The following MGAT4D variants were observed in gnomAD, a reference collection of about 807,000 sequenced individuals.
MGAT4D encodes MGAT4 family member D.
MGAT4D carries 34 observed loss-of-function variants against 15.9 expected under a neutral mutation model. The ratio of observed to expected loss-of-function variants is 2.14; its 90% CI spans 1.62 to 2.84. The LOEUF (loss-of-function observed/expected upper bound fraction) is 2.84, where lower values mean the gene tolerates loss of function less well. Among genes scored for constraint, MGAT4D ranks in the 30% most tolerant of loss-of-function variants. The pLI, the probability that MGAT4D is intolerant of heterozygous loss-of-function variation, is 0.00. For missense variants in MGAT4D, 327 were observed against 140.2 expected (o/e 2.33, Z -6.73); for synonymous variants, 112 against 48.2 (o/e 2.33, Z -5.49).
At chr4:140,488,029 A>C (rs1001924671) in intron 1 of MGAT4D, among the ~76,000 whole-genome samples, 1 of 152,186 alleles carries the variant, frequency 6.6e-6, no homozygotes, top group African/African-American at 2.4e-5. Context: ...GACCACTTTC[A>C]TGGTTTTCTC....
chr4:140,456,344 T>A, intron 9 of MGAT4D, among the ~76,000 whole-genome samples: 1 of 152,186 alleles, frequency 6.6e-6, no homozygotes, highest in Non-Finnish European at 1.5e-5. Context: ...TGTTTGAATT[T>A]ACGTCTATCA....
intron 1 of MGAT4D, among the ~76,000 whole-genome samples, chr4:140,496,704 A>T (rs1733859075): frequency 6.6e-6 from 1 of 151,980 alleles, no homozygotes; most frequent in South Asian, 2.1e-4. Flanking sequence ...TTATCCGGGC[A>T]TGGTGGCACA....
Position 140,467,578 on chromosome 4 carries a change from T to C in MGAT4D, c.573-2569A>G, listed in dbSNP as rs190065075. ...AGTCTTGGTTTTATTCAATCTGTTTTAAGCAAGATACTTGAAATTTTGTGT... is the reference window on the plus strand; with the variant it reads ...AGTCTTGGTTTTATTCAATCTGTTTCAAGCAAGATACTTGAAATTTTGTGT... On this transcript the variant is annotated intron_variant, in intron 5 of 10. Coordinates refer to ENST00000511113, the MANE Select transcript of MGAT4D (RefSeq NM_001277353.2). Among the ~76,000 whole-genome samples, 293 of 152,254 alleles carry C rather than the reference T, an allele frequency of 1.9e-3. 4 individuals carry two copies. The highest frequency in any genetic ancestry group is 2.5e-3 in the Non-Finnish European group (169 of 67,962).
intron 2 of MGAT4D, among the ~76,000 whole-genome samples, chr4:140,480,506 A>C (rs1327959811): frequency 6.6e-6 from 1 of 152,152 alleles, no homozygotes; most frequent in East Asian, 1.9e-4. Flanking sequence ...CTTCATCAAA[A>C]ATTAAAAATG....
chr4:140,467,430 A>G (rs1731613609), intron 5 of MGAT4D, among the ~76,000 whole-genome samples: 1 of 152,172 alleles, frequency 6.6e-6, no homozygotes, highest in Non-Finnish European at 1.5e-5. Context: ...AGTTTAGATT[A>G]CAGAGATACA....
chr4:140,473,495 C>T (rs2126788815), intron 4 of MGAT4D, among the ~76,000 whole-genome samples: 1 of 152,196 alleles, frequency 6.6e-6, no homozygotes, highest in Non-Finnish European at 1.5e-5. Flanking sequence ...ATTTCATCCC[C>T]CAACAACCTT....
chr4:140,450,254 T>C (rs1327512769), intron 10 of MGAT4D: 1 of 232,672 alleles, frequency 4.3e-6, no homozygotes, highest in Non-Finnish European at 8.1e-6. Context: ...AATATGAATG[T>C]TTATGTCTAC....
chr4:140,495,041 A>G lies in MGAT4D; in HGVS notation c.94+3088T>C, dbSNP rs962694826. Reference sequence around the variant, plus strand: ...CTGCACAAAACTCTGATGGCTTCCGATCTTACTCACAATAAAATGCAGAGT... The same window carrying G: ...CTGCACAAAACTCTGATGGCTTCCGGTCTTACTCACAATAAAATGCAGAGT... On this transcript the variant is annotated intron_variant, in intron 1 of 10. Coordinates refer to ENST00000511113, the MANE Select transcript of MGAT4D (RefSeq NM_001277353.2). Among the ~76,000 whole-genome samples the G allele has an allele frequency of 2.0e-5, 3 of 152,164 alleles. No individual in the cohort carries two copies. In the South Asian group the frequency reaches 6.2e-4, roughly 32 times the overall value.
intron 3 of MGAT4D, among the ~76,000 whole-genome samples, chr4:140,475,704 C>G (rs1421660246): frequency 3.4e-5 from 5 of 147,942 alleles, no homozygotes; most frequent in Non-Finnish European, 5.9e-5. Flanking sequence ...TTTCAGGGCC[C>G]TGATAAACTG....
At chr4:140,455,998 A>G (rs1249930938) in intron 9 of MGAT4D, among the ~76,000 whole-genome samples, 1 of 152,100 alleles carries the variant, frequency 6.6e-6, no homozygotes, top group Non-Finnish European at 1.5e-5. Flanking sequence ...TTAGCTGGGC[A>G]TGGTGGCGTG....
chr4:140,462,876 G>A (rs1345013090), intron 6 of MGAT4D, among the ~76,000 whole-genome samples: 4 of 152,088 alleles, frequency 2.6e-5, no homozygotes, highest in African/African-American at 9.7e-5. Flanking sequence ...AGTGCCTGGA[G>A]ACTCACATTG....
At chr4:140,497,228 G>GT (rs1733894305) in intron 1 of MGAT4D, among the ~76,000 whole-genome samples, 2 of 152,202 alleles carry the variant, frequency 1.3e-5, no homozygotes, top group South Asian at 2.1e-4. Flanking sequence ...TGAAAACAAC[G>GT]TAAGAGCAAT....
intron 4 of MGAT4D, among the ~76,000 whole-genome samples, chr4:140,472,205 T>C (rs1246430038): frequency 6.6e-6 from 1 of 152,166 alleles, no homozygotes; most frequent in African/African-American, 2.4e-5. Flanking sequence ...TACTCTTCAT[T>C]TCCTGAGTAT....
chr4:140,456,782 G>A (rs1730835802), intron 8 of MGAT4D, 63 bp from the exon 9 acceptor site: 1 of 543,162 alleles, frequency 1.8e-6, no homozygotes, highest in South Asian at 2.6e-5. Context: ...CCTTTAACAT[G>A]GGAAAAAGCA....
At chr4:140,472,056 A>T (rs1732000535) in intron 4 of MGAT4D, among the ~76,000 whole-genome samples, 1 of 152,116 alleles carries the variant, frequency 6.6e-6, no homozygotes, top group Non-Finnish European at 1.5e-5. Flanking sequence ...GAAATATTAC[A>T]ATCCAAAATT....
chr4:140,466,232 T>A (rs775241814), intron 5 of MGAT4D, among the ~76,000 whole-genome samples: 1 of 152,170 alleles, frequency 6.6e-6, no homozygotes, highest in Non-Finnish European at 1.5e-5. Context: ...TGACACCTCC[T>A]CTATTTGAGA....
At chr4:140,468,959 G>A (rs1379039607) in intron 5 of MGAT4D, among the ~76,000 whole-genome samples, 1 of 152,082 alleles carries the variant, frequency 6.6e-6, no homozygotes, top group African/African-American at 2.4e-5. Flanking sequence ...TCTCAGTACT[G>A]TCTAAAGCTC....
intron 1 of MGAT4D, among the ~76,000 whole-genome samples, chr4:140,486,503 G>A (rs1356416773): frequency 2.0e-5 from 3 of 151,856 alleles, no homozygotes; most frequent in Non-Finnish European, 2.9e-5. Context: ...CACCCACCCC[G>A]AAACAGGCCC....
At chr4:140,483,434 A>G (rs1732876287) in intron 1 of MGAT4D, among the ~76,000 whole-genome samples, 2 of 152,216 alleles carry the variant, frequency 1.3e-5, no homozygotes, top group African/African-American at 4.8e-5. Context: ...TAAAATGTCT[A>G]TACTACACAA....
Sources: allele counts gnomAD v4.1 joint callset (sites outside exome capture counted in the v4.1 genomes callset), GRCh38; gene constraint gnomAD v4.1.1; transcripts MANE v1.5; gene names NCBI Gene and HGNC (gene_info 2026-07-23, HGNC 2026-07-21).